The following ASAP2 variants were observed in gnomAD, a reference collection of about 807,000 sequenced individuals.
The protein encoded by ASAP2 is arf-GAP with SH3 domain, ANK repeat and PH domain-containing protein 2.
Under a neutral mutation model 131.4 loss-of-function variants are expected in ASAP2, and 45 were observed. That is an observed-to-expected ratio of 0.34 (90% CI 0.27 to 0.44). The LOEUF (loss-of-function observed/expected upper bound fraction) is 0.44. Among genes scored for constraint, ASAP2 ranks in the 20% least tolerant of loss-of-function variants. The pLI, the probability that ASAP2 is intolerant of heterozygous loss-of-function variation, is 1.00. For missense variants in ASAP2, 1,011 were observed against 1,297.0 expected (o/e 0.78, Z 3.39); for synonymous variants, 510 against 503.0 (o/e 1.01, Z -0.19).
rs1225827215 is a variant in ASAP2 at position 9,397,531 on chromosome 2, T to G, written c.2685-2492T>G. On this transcript the variant is annotated intron_variant, in intron 24 of 27. Coordinates refer to ENST00000281419, the MANE Select transcript of ASAP2 (RefSeq NM_003887.3). Reference sequence around the variant, plus strand: ...ACCGGTACGCCCTCCTTGTGAAGGATGCTATCCCTTCCCCACCACCGGTGA... The same window carrying G: ...ACCGGTACGCCCTCCTTGTGAAGGAGGCTATCCCTTCCCCACCACCGGTGA... Among the ~76,000 whole-genome samples the G allele has an allele frequency of 2.0e-5, 3 of 151,838 alleles. 1 individual carries two copies. Among genetic ancestry groups the G allele is most frequent in the African/African-American group, 7.3e-5 (3 of 41,256 alleles).
In ASAP2 at chr2:9,318,114, GC is replaced by G. The variant is rs1160637241; in HGVS notation, c.346-407del. The stretch of plus-strand genomic sequence containing the variant: ...CTTGCTGTGGAGACTGGGGCCTGGG[GC>G]CCAGAGCACCAACCCCAGTACAGTC... On this transcript the variant is annotated intron_variant, in intron 3 of 27. Transcript: ENST00000281419. Among the ~76,000 whole-genome samples the G allele has an allele frequency of 6.6e-5, 10 of 152,306 alleles. No homozygotes were observed. The East Asian group carries it at 1.5e-3, about 24-fold the overall frequency.
rs1669266927 is a variant in ASAP2 at position 9,311,130 on chromosome 2, G to A, written c.346-7394G>A. On this transcript the variant is annotated intron_variant, in intron 3 of 27. Transcript: ENST00000281419. This position sits in a 1 kb window ranked among gnomAD's most constrained non-coding sequence, Gnocchi z 5.2. ...GCCTGGGCTGGGTGTGGTGGCTCAT[G>A]CCTATAGTCCCAGCACTTTGGGAGG... is the stretch of plus-strand genomic sequence containing the variant. Among the ~76,000 whole-genome samples, 1 of 152,180 alleles carries A rather than the reference G, an allele frequency of 6.6e-6. No homozygotes were observed. Among genetic ancestry groups the A allele is most frequent in the Non-Finnish European group, 1.5e-5 (1 of 68,038 alleles).
intron 15 of ASAP2, among the ~76,000 whole-genome samples, chr2:9,366,894 G>A (rs1003995645): frequency 3.9e-5 from 6 of 152,144 alleles, no homozygotes; most frequent in Admixed American, 6.5e-5. Flanking sequence ...GTTATTTGCC[G>A]CCAGGAAGTT....
chr2:9,249,899 C>G (rs949707826), intron 1 of ASAP2, among the ~76,000 whole-genome samples: 7 of 152,216 alleles, frequency 4.6e-5, no homozygotes, highest in African/African-American at 1.7e-4. Flanking sequence ...TGCTCAGGAT[C>G]TGTGAGAAGT....
rs939364346 is a variant in ASAP2 at position 9,391,149 on chromosome 2, C to T, written c.2471C>T (p.Pro824Leu). 4 of 1,614,216 alleles carry T rather than the reference C, an allele frequency of 2.5e-6. No homozygotes were observed. Among genetic ancestry groups the T allele is most frequent in the Non-Finnish European group, 2.5e-6 (3 of 1,180,024 alleles). Reference sequence around the variant, plus strand: ...AGCCGGCAGCGATCTTCGTCAGATCCGCCAGCTGTCCATCCACCGCTGCCC... The same window carrying T: ...AGCCGGCAGCGATCTTCGTCAGATCTGCCAGCTGTCCATCCACCGCTGCCC... Reference protein sequence around the residue: ...GGSRQRSSSDPPAVHPPLPPL... With the variant: ...GGSRQRSSSDLPAVHPPLPPL... The change falls in exon 23 of 28, where the codon CCG becomes CTG. Residue 824 changes from proline to leucine, a missense_variant. Pro to Leu is a moderately conservative substitution (Grantham distance 98, BLOSUM62 -3). Around this residue, in one of 2 missense-constraint regions of ASAP2, gnomAD observed 652 missense variants for 698.9 expected, o/e 0.93. Transcript: ENST00000281419.
intron 7 of ASAP2, among the ~76,000 whole-genome samples, chr2:9,334,157 G>A (rs1271186789): frequency 7.6e-6 from 1 of 131,978 alleles, no homozygotes; most frequent in Non-Finnish European, 1.6e-5. Context: ...AACAATTCTT[G>A]TGCCTCAGCC....
At position 9,207,204 on chromosome 2, in the gene ASAP2, C is replaced by T. The variant is rs745807023; in HGVS notation, c.100C>T (p.Arg34Trp). The T allele has an allele frequency of 6.2e-7, 1 of 1,600,192 alleles. No homozygotes were observed. Among genetic ancestry groups the T allele is most frequent in the Non-Finnish European group, 8.5e-7 (1 of 1,174,524 alleles). ...CTTCACCACCCGCACGGCGCAGTGC[C>T]GGAACACTGTGGCGGCCATCGAGGA... ...SSFTTRTAQCRNTVAAIEEAL... is the reference protein window; with the variant it reads ...SSFTTRTAQCWNTVAAIEEAL... Residue 34 changes from arginine to tryptophan, a missense_variant, in exon 1 of 28, where the codon CGG becomes TGG. Around this residue, in one of 2 missense-constraint regions of ASAP2, gnomAD observed 359 missense variants for 598.1 expected, o/e 0.60. Coordinates refer to ENST00000281419, the MANE Select transcript of ASAP2 (RefSeq NM_003887.3). This position sits in a 1 kb window ranked among gnomAD's most constrained non-coding sequence, Gnocchi z 4.1.
At chr2:9,220,665 T>G (rs1324899908) in intron 1 of ASAP2, among the ~76,000 whole-genome samples, 1 of 152,236 alleles carries the variant, frequency 6.6e-6, no homozygotes, top group Non-Finnish European at 1.5e-5. Flanking sequence ...TTTTCACTCA[T>G]TTGATGGTGT....
chr2:9,299,434 C>T (rs1215848765), intron 3 of ASAP2, among the ~76,000 whole-genome samples: 1 of 152,202 alleles, frequency 6.6e-6, no homozygotes, highest in African/African-American at 2.4e-5. Context: ...AAGATATTTT[C>T]AGACATGCAA....
At position 9,388,559 on chromosome 2, in the gene ASAP2, C is replaced by G. The variant is rs1675479138; in HGVS notation, c.2383+13C>G. On this transcript the variant is annotated intron_variant, in intron 22 of 27. Transcript: ENST00000281419. Reference sequence around the variant, plus strand: ...AATGTTGGCAAAGGTATGAAGCTGTCCGTCATCCCTGTGAATATATAGAGG... The same window carrying G: ...AATGTTGGCAAAGGTATGAAGCTGTGCGTCATCCCTGTGAATATATAGAGG... The G allele has an allele frequency of 6.2e-7, 1 of 1,608,558 alleles. No homozygotes were observed. The highest frequency in any genetic ancestry group is 8.5e-7 in the Non-Finnish European group (1 of 1,178,428).
At chr2:9,316,908 C>A (rs116335641) in intron 3 of ASAP2, among the ~76,000 whole-genome samples, 411 of 146,568 alleles carry the variant, frequency 2.8e-3, no homozygotes, top group Middle Eastern at 0.01. Flanking sequence ...CTAGCAACAC[C>A]CCCCCAACAC....
At chr2:9,227,648 C>A (rs1016030840) in intron 1 of ASAP2, among the ~76,000 whole-genome samples, 2 of 152,150 alleles carry the variant, frequency 1.3e-5, no homozygotes, top group Non-Finnish European at 2.9e-5. Context: ...CAGGATCTTA[C>A]AGCTCTTGTT....
At chr2:9,316,818 C>T (rs942075272) in intron 3 of ASAP2, among the ~76,000 whole-genome samples, 2 of 152,028 alleles carry the variant, frequency 1.3e-5, no homozygotes, top group Admixed American at 1.3e-4. Context: ...TGTGTCCCCA[C>T]TCTCCTGCCT....
rs1558350429 is a variant in ASAP2, at chr2:9,344,638, A to G, written c.953+3A>G. ...AGCCTCTACAAGAAGAGTGACGGGT[A>G]CGTGAGGGGGTGTGGCTAGAGTTTA... On this transcript the variant is annotated splice_donor_region_variant and intron_variant, in intron 10 of 27. Transcript: ENST00000281419. 1.2e-6 allele frequency: 2 copies of G among 1,613,962 alleles called. No individual in the cohort carries two copies. The highest frequency in any genetic ancestry group is 1.6e-4 in the Middle Eastern group (1 of 6,062).
chr2:9,272,650 G>C (rs1327448806), intron 1 of ASAP2, among the ~76,000 whole-genome samples: 1 of 152,090 alleles, frequency 6.6e-6, no homozygotes, highest in Non-Finnish European at 1.5e-5. Flanking sequence ...GTGTCCTGCA[G>C]TTTCTCCATT....
chr2:9,384,081 G>A (rs999878483), intron 20 of ASAP2, among the ~76,000 whole-genome samples: 7 of 152,116 alleles, frequency 4.6e-5, no homozygotes, highest in African/African-American at 1.4e-4. Context: ...GTTAATGGGT[G>A]CAGCACACCA....
intron 5 of ASAP2, among the ~76,000 whole-genome samples, chr2:9,321,463 C>T (rs1250020480): frequency 2.0e-5 from 3 of 152,280 alleles, no homozygotes; most frequent in Non-Finnish European, 1.5e-5. Flanking sequence ...ATCCCTGGTC[C>T]GTCAGCATCC....
At chr2:9,361,764 C>T (rs1029006616) in intron 15 of ASAP2, among the ~76,000 whole-genome samples, 36 of 152,202 alleles carry the variant, frequency 2.4e-4, no homozygotes, top group African/African-American at 7.9e-4. Context: ...GATGGTCTTT[C>T]GCCATGTCCA....
intron 3 of ASAP2, among the ~76,000 whole-genome samples, chr2:9,312,479 G>A (rs77822720): frequency 0.012 from 1,754 of 152,078 alleles, 30 homozygotes; most frequent in African/African-American, 0.04. Flanking sequence ...CCCACCTCAC[G>A]ATGCCCCATC....
Sources: gnomAD v4.1 joint callset for allele counts (sites outside exome capture counted in the v4.1 genomes callset) on GRCh38, gnomAD v4.1.1 for gene constraint, gnomAD v4.1.1 regional missense constraint, Gnocchi (gnomAD v3.1) non-coding constraint, MANE v1.5 for transcripts, NCBI Gene and HGNC (gene_info 2026-07-23, HGNC 2026-07-21) for gene names.